The following DLGAP1 variants were observed in gnomAD, a reference collection of about 807,000 sequenced individuals.
DLGAP1 encodes disks large-associated protein 1.
DLGAP1 carries 11 observed loss-of-function variants against 90.8 expected under a neutral mutation model. That is an observed-to-expected ratio of 0.12 (90% confidence interval 0.08 to 0.20). DLGAP1 has a LOEUF of 0.20. Ranked by LOEUF, DLGAP1 falls within the 10% of genes least tolerant of loss-of-function variation. The pLI, the probability that DLGAP1 is intolerant of heterozygous loss-of-function variation, is 1.00. For synonymous variants in DLGAP1, 558 were observed against 540.7 expected, an observed-to-expected ratio of 1.03 and a Z score of -0.44; for missense variants, 1,050 against 1,333.8, an observed-to-expected ratio of 0.79 and a Z score of 3.31.
At chr18:3,643,057 TTG>T (rs1567886203) in intron 7 of DLGAP1, among the ~76,000 whole-genome samples, 1 of 152,172 alleles carries the variant, frequency 6.6e-6, no homozygotes, top group African/African-American at 2.4e-5. Flanking sequence ...CCATAGAAGA[TTG>T]TGTGAGTGAA....
At chr18:3,917,413 A>G (rs1025685634) in intron 3 of DLGAP1, among the ~76,000 whole-genome samples, 2 of 152,200 alleles carry the variant, frequency 1.3e-5, no homozygotes, top group Non-Finnish European at 2.9e-5. Flanking sequence ...TCTAAGAGTG[A>G]TGGCTAAAGT....
At chr18:4,288,385 G>A (rs1263709260) in intron 1 of DLGAP1, among the ~76,000 whole-genome samples, 1 of 152,146 alleles carries the variant, frequency 6.6e-6, no homozygotes, top group Non-Finnish European at 1.5e-5. Flanking sequence ...AAGGACTGAC[G>A]AGTACCATGC....
chr18:4,196,243 A>G (rs1256350830), intron 1 of DLGAP1, among the ~76,000 whole-genome samples: 1 of 152,180 alleles, frequency 6.6e-6, no homozygotes, highest in East Asian at 1.9e-4. Flanking sequence ...ATTGCTACAC[A>G]CTGAAAACAG....
intron 1 of DLGAP1, among the ~76,000 whole-genome samples, chr18:4,153,333 G>A (rs961312960): frequency 1.3e-5 from 2 of 152,194 alleles, no homozygotes; most frequent in African/African-American, 2.4e-5. Context: ...TTCTCCTGAT[G>A]AAGCAGGTTG....
chr18:3,873,951 A>AT (rs1476993478), intron 4 of DLGAP1, among the ~76,000 whole-genome samples: 1 of 152,150 alleles, frequency 6.6e-6, no homozygotes, highest in African/African-American at 2.4e-5. Context: ...GGAGACACAG[A>AT]TTTGTAGATA....
intron 1 of DLGAP1, among the ~76,000 whole-genome samples, chr18:4,442,351 A>C (rs1052401848): frequency 2.6e-5 from 4 of 152,228 alleles, no homozygotes; most frequent in African/African-American, 9.6e-5. Flanking sequence ...GATTATTTAC[A>C]TAATGTGCCT....
intron 8 of DLGAP1, among the ~76,000 whole-genome samples, chr18:3,568,832 G>A (rs1052490317): frequency 2.6e-5 from 4 of 151,810 alleles, no homozygotes; most frequent in Admixed American, 1.3e-4. Flanking sequence ...GACTACAGGT[G>A]CCCGCCACCA....
intron 1 of DLGAP1, among the ~76,000 whole-genome samples, chr18:4,411,143 G>T (rs2082768444): frequency 6.6e-6 from 1 of 152,148 alleles, no homozygotes; most frequent in African/African-American, 2.4e-5. Context: ...AGATGGTGTT[G>T]CCAAGAGGGC....
chr18:3,746,242 C>T (rs965185340), intron 5 of DLGAP1, among the ~76,000 whole-genome samples: 1 of 152,022 alleles, frequency 6.6e-6, no homozygotes, highest in African/African-American at 2.4e-5. Context: ...ATTTTAAAAA[C>T]TTAAAGTTCT....
chr18:3,864,289 A>T (rs2070257547), intron 4 of DLGAP1, among the ~76,000 whole-genome samples: 2 of 152,212 alleles, frequency 1.3e-5, no homozygotes, highest in Non-Finnish European at 2.9e-5. Context: ...TCATCTAATA[A>T]CACCTTCAAA....
chr18:3,894,372 CTTGAG>C (rs1423492082), intron 3 of DLGAP1, among the ~76,000 whole-genome samples: 2 of 152,110 alleles, frequency 1.3e-5, no homozygotes, highest in African/African-American at 2.4e-5. Flanking sequence ...TTTAAGCCAT[CTTGAG>C]TTAATTTTTG....
At chr18:4,368,777 A>G in intron 1 of DLGAP1, among the ~76,000 whole-genome samples, 1 of 16,160 alleles carries the variant, frequency 6.2e-5, no homozygotes, top group East Asian at 0.036. Flanking sequence ...TAAAGGTTTT[A>G]AATAAAGTAT....
chr18:3,917,021 T>C (rs1327521736), intron 3 of DLGAP1, among the ~76,000 whole-genome samples: 1 of 152,236 alleles, frequency 6.6e-6, no homozygotes, highest in Non-Finnish European at 1.5e-5. Context: ...TTTGGTACAA[T>C]ACTCAGCAGA....
chr18:3,977,479 T>C (rs1599255694), intron 3 of DLGAP1, among the ~76,000 whole-genome samples: 1 of 142,974 alleles, frequency 7.0e-6, no homozygotes, highest in Admixed American at 7.1e-5. Context: ...ACTTTATTGA[T>C]GTACACAATG....
intron 3 of DLGAP1, among the ~76,000 whole-genome samples, chr18:4,001,321 A>C (rs1748440116): frequency 6.6e-6 from 1 of 151,464 alleles, no homozygotes; most frequent in African/African-American, 2.4e-5. Context: ...GCTGTTCTTT[A>C]AAAGCTGCTA....
chr18:3,670,761 T>C (rs1255337308), intron 7 of DLGAP1, among the ~76,000 whole-genome samples: 2 of 152,246 alleles, frequency 1.3e-5, no homozygotes, highest in African/African-American at 4.8e-5. Context: ...GTATTAACCA[T>C]ATCCTGAAAT....
At chr18:4,072,717 A>G (rs1315512294) in intron 2 of DLGAP1, among the ~76,000 whole-genome samples, 1 of 151,970 alleles carries the variant, frequency 6.6e-6, no homozygotes, top group African/African-American at 2.4e-5. Flanking sequence ...TGATCCACCC[A>G]CCTCGGCCTC....
At chr18:4,310,838 A>G (rs1273556646) in intron 1 of DLGAP1, among the ~76,000 whole-genome samples, 2 of 152,106 alleles carry the variant, frequency 1.3e-5, no homozygotes, top group Non-Finnish European at 2.9e-5. Context: ...TCTTCACATC[A>G]TTCTCATATA....
chr18:3,875,920 G>A (rs780778742), intron 4 of DLGAP1, among the ~76,000 whole-genome samples: 5 of 151,872 alleles, frequency 3.3e-5, no homozygotes, highest in African/African-American at 7.3e-5. Context: ...AGAACGCTCC[G>A]GGAACTAGAA....
Sources: gnomAD v4.1 joint callset for allele counts (sites outside exome capture counted in the v4.1 genomes callset) on GRCh38, gnomAD v4.1.1 for gene constraint, MANE v1.5 for transcripts, NCBI Gene and HGNC (gene_info 2026-07-23, HGNC 2026-07-21) for gene names.